Variants in MS4A4E observed in about 807,000 individuals in gnomAD.
MS4A4E encodes putative membrane-spanning 4-domains subfamily A member 4E.
A neutral mutation model predicts 13.3 loss-of-function variants in MS4A4E; 23 were observed. The ratio of observed to expected loss-of-function variants is 1.73; its 90% CI spans 1.25 to 2.45. The LOEUF is 2.45. MS4A4E is among the 30% of genes most tolerant of loss of function. The pLI is 0.00. For synonymous variants in MS4A4E, 36 were observed against 45.6 expected (o/e 0.79, Z 0.85); for missense variants, 144 against 131.2 (o/e 1.10, Z -0.48).
chr11:60,216,514 TA>T (rs2084196058), intron 3 of MS4A4E, among the ~76,000 whole-genome samples: 1 of 151,888 alleles, frequency 6.6e-6, no homozygotes. Context: ...TGATGTGAAA[TA>T]AAAAGTACAC....
At chr11:60,228,378 T>C (rs2084368804) in intron 3 of MS4A4E, among the ~76,000 whole-genome samples, 1 of 152,026 alleles carries the variant, frequency 6.6e-6, no homozygotes, top group Non-Finnish European at 1.5e-5. Flanking sequence ...GAAATGAAAA[T>C]TAAAATGGTA....
intron 3 of MS4A4E, among the ~76,000 whole-genome samples, chr11:60,223,350 G>C (rs1468854099): frequency 6.6e-6 from 1 of 152,154 alleles, no homozygotes; most frequent in African/African-American, 2.4e-5. Flanking sequence ...AATAGCATTT[G>C]TATAGGGGAT....
rs758939300 is a variant in MS4A4E at position 60,223,805 on chromosome 11, T to C, written c.178+4789A>G. On this transcript the variant is annotated intron_variant, in intron 3 of 8. Transcript: ENST00000651255. ...AGTTCTTCAGCTTTGGGACTCAAAC[T>C]GGCTTCATTGCCCCTCAGCTTACAG... Among the ~76,000 whole-genome samples the C allele has an allele frequency of 5.9e-5, 9 of 152,220 alleles. No individual in the cohort carries two copies. In the South Asian group the frequency reaches 1.2e-3, roughly 21 times the overall value.
intron 3 of MS4A4E, chr11:60,224,925 T>C (rs771822855): frequency 2.1e-6 from 3 of 1,448,440 alleles, no homozygotes; most frequent in Non-Finnish European, 2.7e-6. Flanking sequence ...TACACCTCTA[T>C]TATGTTATAT....
chr11:60,224,990 G>A (rs540496332), intron 3 of MS4A4E: 147 of 1,533,328 alleles, frequency 9.6e-5, no homozygotes, highest in Non-Finnish European at 1.1e-4. Flanking sequence ...AATTGTGTAC[G>A]CAACATACAC....
intron 8 of MS4A4E, among the ~76,000 whole-genome samples, chr11:60,204,622 A>G (rs1356341505): frequency 1.3e-5 from 2 of 152,222 alleles, no homozygotes; most frequent in African/African-American, 2.4e-5. Flanking sequence ...ATGCTACTAT[A>G]TGAACCCTGT....
chr11:60,242,887 G>T, intron 1 of MS4A4E, 71 bp downstream of exon 1: 1 of 1,219,914 alleles, frequency 8.2e-7, no homozygotes, highest in Non-Finnish European at 1.2e-6. Context: ...TCCACTCCCA[G>T]AAATCCTAAA....
intron 1 of MS4A4E, among the ~76,000 whole-genome samples, chr11:60,234,752 A>G (rs1289225324): frequency 6.7e-6 from 1 of 149,232 alleles, no homozygotes; most frequent in African/African-American, 2.5e-5. Flanking sequence ...AGAGATGAAG[A>G]AATAAACAAA....
chr11:60,238,072 T>C (rs182531060), intron 1 of MS4A4E, among the ~76,000 whole-genome samples: 4 of 151,616 alleles, frequency 2.6e-5, no homozygotes, highest in Non-Finnish European at 5.9e-5. Context: ...GTTGCCGAAT[T>C]CTGCTTGCTA....
At position 60,217,966 on chromosome 11, in the gene MS4A4E, C is replaced by T. The variant is rs539336095; in HGVS notation, c.179-3352G>A. 1.4e-4 allele frequency among the ~76,000 whole-genome samples: 22 copies of T among 152,214 alleles called. No individual in the cohort carries two copies. In the South Asian group the frequency reaches 2.7e-3, roughly 19 times the overall value. ...CCTTAAATTCTGACCACCGGTGAGCCGGGCAGAACAGAGCCATATTTCTCT... is the reference window on the plus strand; with the variant it reads ...CCTTAAATTCTGACCACCGGTGAGCTGGGCAGAACAGAGCCATATTTCTCT... On this transcript the variant is annotated intron_variant, in intron 3 of 8. Coordinates refer to ENST00000651255, the MANE Select transcript of MS4A4E (RefSeq NM_001393391.1).
At chr11:60,236,184 C>T (rs953766306) in intron 1 of MS4A4E, among the ~76,000 whole-genome samples, 2 of 152,174 alleles carry the variant, frequency 1.3e-5, no homozygotes, top group African/African-American at 4.8e-5. Flanking sequence ...TATGCCAATA[C>T]CACACTGTCT....
At position 60,214,584 on chromosome 11, in the gene MS4A4E, G is replaced by A. The variant is rs1293380340; in HGVS notation, c.209C>T (p.Thr70Ile). Reference protein sequence around the residue: ...VSLSVAAGIRTTKGLVGGSLG... With the variant: ...VSLSVAAGIRITKGLVGGSLG... The stretch of plus-strand genomic sequence containing the variant: ...AACATTACTCACCAGACCTTTTGTT[G>A]TTCTAATTCCTGCTGCAACTGATAA... The change falls in exon 4 of 9, where the codon ACA (threonine) becomes ATA (isoleucine). Residue 70 changes from threonine to isoleucine, a missense_variant. Transcript: ENST00000651255. 11 of 1,531,638 alleles carry A rather than the reference G, an allele frequency of 7.2e-6. No homozygotes were observed. In the African/African-American group the frequency reaches 8.3e-5, roughly 11 times the overall value. 94.9% of individuals were successfully genotyped at this position (1,531,638 alleles called of 1,614,324 possible).
chr11:60,242,997 G>C lies in MS4A4E; in HGVS notation c.-56C>G. 6.4e-7 allele frequency: 1 copy of C among 1,568,134 alleles called. No homozygotes were observed. The highest frequency in any genetic ancestry group is 2.2e-4 in the Middle Eastern group (1 of 4,612). ...GCAATGTCTGCTGCAGGTCTGATGA[G>C]TGCAGGGCTCTGGGCAAGTTCCTCA... On this transcript the variant is annotated 5_prime_UTR_variant, in exon 1 of 9. Transcript: ENST00000651255.
At chr11:60,219,231 T>C (rs751865710) in intron 3 of MS4A4E, among the ~76,000 whole-genome samples, 2 of 152,220 alleles carry the variant, frequency 1.3e-5, no homozygotes, top group Non-Finnish European at 2.9e-5. Flanking sequence ...TGCCTTTCTC[T>C]GTATGCCAGA....
chr11:60,216,936 C>A lies in MS4A4E; in HGVS notation c.179-2322G>T, dbSNP rs563190810. ...TATGTATACATCTATCCTATTAGTT[C>A]TATCCCTCTAGAGAACCCTGACTAT... On this transcript the variant is annotated intron_variant, in intron 3 of 8. Coordinates refer to ENST00000651255, the MANE Select transcript of MS4A4E (RefSeq NM_001393391.1). Among the ~76,000 whole-genome samples the A allele has an allele frequency of 1.0e-3, 154 of 152,286 alleles. No homozygotes were observed. In the Middle Eastern group the frequency reaches 0.014, roughly 13 times the overall value.
At chr11:60,210,114 C>T (rs888752886) in intron 5 of MS4A4E, among the ~76,000 whole-genome samples, 3 of 152,360 alleles carry the variant, frequency 2.0e-5, no homozygotes, top group Non-Finnish European at 4.4e-5. Flanking sequence ...CTGGCACACA[C>T]ATTCAAACCT....
At chr11:60,210,961 C>G (rs2084113048) in intron 5 of MS4A4E, among the ~76,000 whole-genome samples, 1 of 152,160 alleles carries the variant, frequency 6.6e-6, no homozygotes, top group Non-Finnish European at 1.5e-5. Context: ...AAAATAATTT[C>G]AAGATAGCAA....
chr11:60,229,468 C>G (rs985053653), intron 2 of MS4A4E, among the ~76,000 whole-genome samples: 1 of 152,096 alleles, frequency 6.6e-6, no homozygotes, highest in Non-Finnish European at 1.5e-5. Context: ...ACACGTTCGC[C>G]TGAGACTCCA....
chr11:60,227,423 C>T (rs893835506), intron 3 of MS4A4E, among the ~76,000 whole-genome samples: 228 of 152,100 alleles, frequency 1.5e-3, no homozygotes, highest in Non-Finnish European at 2.9e-3. Context: ...TAGTGGCAGG[C>T]GCCTGTAGTC....
Sources: gnomAD v4.1 joint callset for allele counts (sites outside exome capture counted in the v4.1 genomes callset) on GRCh38, gnomAD v4.1.1 for gene constraint, MANE v1.5 for transcripts, NCBI Gene and HGNC (gene_info 2026-07-23, HGNC 2026-07-21) for gene names.